TENM3: variants seen among roughly 807,000 people sequenced by gnomAD.
TENM3 encodes the protein teneurin-3.
TENM3 carries 63 observed loss-of-function variants against 255.1 expected under a neutral mutation model. That is an observed-to-expected ratio of 0.25 (90% CI 0.20 to 0.30). The LOEUF is 0.30. TENM3 is among the 10% of genes least tolerant of loss of function. The probability of loss-of-function intolerance (pLI) is 1.00; values close to 1 mark genes in which losing one functional copy is unlikely to be tolerated. For missense variants in TENM3, 2,929 were observed against 3,461.1 expected, an observed-to-expected ratio of 0.85 and a Z score of 3.86; for synonymous variants, 1,306 against 1,322.3, an observed-to-expected ratio of 0.99 and a Z score of 0.27.
intron 18 of TENM3, 50 bp downstream of exon 18, chr4:182,738,594 T>G: frequency 1.4e-6 from 2 of 1,464,742 alleles, no homozygotes; most frequent in East Asian, 2.5e-5. Context: ...TGTTCAGAGA[T>G]AGCTAATGTT....
the TENM3 span, among the ~76,000 whole-genome samples, chr4:181,674,945 C>A: frequency 6.6e-6 from 1 of 152,002 alleles, no homozygotes; most frequent in Non-Finnish European, 1.5e-5. Context: ...AGGCTGTATA[C>A]CCTTAGCACT....
intron 6 of TENM3, among the ~76,000 whole-genome samples, chr4:182,661,303 C>G (rs1754208892): frequency 6.7e-6 from 1 of 149,092 alleles, no homozygotes; most frequent in Non-Finnish European, 1.5e-5. Context: ...TGGGTTCATG[C>G]CATTCTCCTG....
the TENM3 span, among the ~76,000 whole-genome samples, chr4:181,458,146 A>G: frequency 6.6e-6 from 1 of 151,982 alleles, no homozygotes; most frequent in Non-Finnish European, 1.5e-5. Flanking sequence ...CTGTATCCTC[A>G]TATATAGTGT....
chr4:182,295,261 CTTTTTTTTTTTTTTTTT>C (rs752005972), intron 1 of TENM3, among the ~76,000 whole-genome samples: 2 of 70,442 alleles, frequency 2.8e-5, no homozygotes, highest in Non-Finnish European at 5.0e-5. Context: ...CTTTGCTTTT[CTTTTTTTTTTTTTTTTT>C]TTTTTTTGAG....
chr4:182,366,114 C>T (rs4861506), intron 3 of TENM3, among the ~76,000 whole-genome samples: 119,246 of 152,084 alleles, frequency 0.78, 47,116 homozygotes, highest in East Asian at 0.92. Context: ...TATTAAGTTG[C>T]AAATAGTTTT....
chr4:182,369,644 G>A (rs1455730447), intron 3 of TENM3, among the ~76,000 whole-genome samples: 1 of 152,174 alleles, frequency 6.6e-6, no homozygotes, highest in African/African-American at 2.4e-5. Flanking sequence ...ACTTTGGGAG[G>A]CTGAGGCAGG....
chr4:181,726,826 GTTC>G, the TENM3 span, among the ~76,000 whole-genome samples: 2 of 152,306 alleles, frequency 1.3e-5, no homozygotes, highest in Non-Finnish European at 2.9e-5. Context: ...GCCCCAGGTT[GTTC>G]TACCTGCACT....
At position 182,793,828 on chromosome 4, in the gene TENM3, A is replaced by G. The variant is rs1766290148; in HGVS notation, c.7156A>G (p.Met2386Val). Reference sequence around the variant, plus strand: ...GGACCCAGCTCCTTTTAACTTGTACATGTTTAGGAATAACAACCCTGCAAG... The same window carrying G: ...GGACCCAGCTCCTTTTAACTTGTACGTGTTTAGGAATAACAACCCTGCAAG... ...GKDPAPFNLY[M>V]FRNNNPASKI... is the part of the protein sequence containing the mutation. Residue 2386 changes from methionine (M) to valine (V), a missense_variant, in exon 26 of 28, where the codon ATG becomes GTG. By Grantham distance (21) the Met-to-Val change is conservative. Around this residue, in one of 6 missense-constraint regions of TENM3, gnomAD observed 476 missense variants for 480.1 expected, o/e 0.99. Transcript: ENST00000511685. This position sits in a 1 kb window ranked among gnomAD's most constrained non-coding sequence, Gnocchi z 5.7. 1 of 1,613,598 alleles carries G rather than the reference A, an allele frequency of 6.2e-7. No individual in the cohort carries two copies. The highest frequency in any genetic ancestry group is 1.3e-5 in the African/African-American group (1 of 75,020).
chr4:182,537,142 T>G (rs1362000277), intron 3 of TENM3, among the ~76,000 whole-genome samples: 1 of 152,228 alleles, frequency 6.6e-6, no homozygotes, highest in Non-Finnish European at 1.5e-5. Context: ...ATTTCTCTGC[T>G]CTAGAATATC....
At chr4:182,031,839 T>A in the TENM3 span, among the ~76,000 whole-genome samples, 2 of 152,202 alleles carry the variant, frequency 1.3e-5, no homozygotes, top group Admixed American at 1.3e-4. Flanking sequence ...TCATTTATGA[T>A]TTGGCTCTGT....
chr4:182,690,405 A>G (rs534720278), intron 12 of TENM3, among the ~76,000 whole-genome samples: 1 of 152,300 alleles, frequency 6.6e-6, no homozygotes, highest in Admixed American at 6.5e-5. Context: ...GGACAATGCA[A>G]TACCTCTATA....
the TENM3 span, among the ~76,000 whole-genome samples, chr4:182,050,807 A>AG: frequency 6.9e-4 from 104 of 151,620 alleles, 1 homozygote; most frequent in African/African-American, 2.4e-3. Flanking sequence ...CCACCTGAAA[A>AG]AAACAAAACA....
intron 3 of TENM3, among the ~76,000 whole-genome samples, chr4:182,495,493 T>G (rs1479680280): frequency 1.4e-5 from 2 of 144,448 alleles, no homozygotes; most frequent in Admixed American, 1.4e-4. Flanking sequence ...TTCTTTAGTT[T>G]CCTTTAAAAG....
At chr4:182,001,497 C>T in the TENM3 span, among the ~76,000 whole-genome samples, 1 of 152,022 alleles carries the variant, frequency 6.6e-6, no homozygotes, top group African/African-American at 2.4e-5. Flanking sequence ...ACTAACCAAA[C>T]AACATAAGAA....
the TENM3 span, among the ~76,000 whole-genome samples, chr4:181,469,530 T>G: frequency 6.6e-6 from 1 of 152,134 alleles, no homozygotes; most frequent in African/African-American, 2.4e-5. Flanking sequence ...TCTAAGAAAT[T>G]GGGCCCAGGA....
chr4:182,595,471 G>T (rs1309006139), intron 3 of TENM3, among the ~76,000 whole-genome samples: 2 of 152,168 alleles, frequency 1.3e-5, no homozygotes. Flanking sequence ...CTGTTGAAGA[G>T]CTAAGGGAGG....
chr4:181,625,867 A>G, the TENM3 span, among the ~76,000 whole-genome samples: 1 of 152,034 alleles, frequency 6.6e-6, no homozygotes, highest in South Asian at 2.1e-4. Flanking sequence ...TATCTTGAAA[A>G]TTCAGTCAAA....
At position 182,346,868 on chromosome 4, in the gene TENM3, G is replaced by A. The variant is rs1764854069; in HGVS notation, c.450G>A (p.Arg150=). The change falls in exon 3 of 28, where the codon CGG becomes CGA. Residue 150 remains arginine (R), a synonymous_variant. Coordinates refer to ENST00000511685, the MANE Select transcript of TENM3 (RefSeq NM_001080477.4). ...GCCGCAGCTCCTGCCTGTCAAGTCG[G>A]TCCAACTCAGCCCTCACCCTGACAG... ...KSGRSSCLSS[R]SNSALTLTDT... 1.2e-6 allele frequency: 2 copies of A among 1,613,436 alleles called. No individual in the cohort carries two copies. Among genetic ancestry groups the A allele is most frequent in the Non-Finnish European group, 1.7e-6 (2 of 1,179,666 alleles).
At chr4:182,694,356 C>A (rs1033466880) in intron 12 of TENM3, among the ~76,000 whole-genome samples, 37 of 152,192 alleles carry the variant, frequency 2.4e-4, no homozygotes, top group African/African-American at 8.7e-4. Flanking sequence ...GCAAGCAATC[C>A]ACCTGCCTCA....
Sources: gnomAD v4.1 joint callset for allele counts (sites outside exome capture counted in the v4.1 genomes callset) on GRCh38, gnomAD v4.1.1 for gene constraint, gnomAD v4.1.1 regional missense constraint, Gnocchi (gnomAD v3.1) non-coding constraint, MANE v1.5 for transcripts, NCBI Gene and HGNC (gene_info 2026-07-23, HGNC 2026-07-21) for gene names.